Variants in GABRG3 observed in about 807,000 individuals in gnomAD.
GABRG3 encodes gamma-aminobutyric acid type A receptor subunit gamma3, also known as gamma-aminobutyric acid receptor subunit gamma-3.
Under a neutral mutation model 48.8 loss-of-function variants are expected in GABRG3, and 25 were observed. The observed-to-expected ratio is 0.51, with a 90% CI of 0.37 to 0.72. GABRG3 has a LOEUF of 0.72. Ranked by LOEUF, GABRG3 falls within the 30% of genes least tolerant of loss-of-function variation. The pLI is 0.00. For synonymous variants in GABRG3, 227 were observed against 217.6 expected (o/e 1.04, Z -0.38); for missense variants, 394 against 577.9 (o/e 0.68, Z 3.26).
chr15:27,250,034 G>A (rs1315347829), intron 3 of GABRG3, among the ~76,000 whole-genome samples: 3 of 152,110 alleles, frequency 2.0e-5, no homozygotes, highest in Admixed American at 1.3e-4. Context: ...TCAGCATTGC[G>A]TCTGTGTGTC....
At chr15:27,527,711 C>A in intron 8 of GABRG3, 82 bp downstream of exon 8, 1 of 1,301,636 alleles carries the variant, frequency 7.7e-7, no homozygotes, top group Non-Finnish European at 1.1e-6. Context: ...CAGTTGTATT[C>A]CTAAGGATCG....
chr15:27,365,023 T>G (rs142177932), intron 5 of GABRG3: 263 of 152,256 alleles, frequency 1.7e-3, no homozygotes, highest in African/African-American at 5.9e-3. Flanking sequence ...GTGAGAGAAC[T>G]TGGGAGTTCC....
intron 5 of GABRG3, among the ~76,000 whole-genome samples, chr15:27,334,857 G>A (rs1209592914): frequency 6.6e-6 from 1 of 152,124 alleles, no homozygotes; most frequent in Non-Finnish European, 1.5e-5. Flanking sequence ...GACACTGAAA[G>A]CATGATCCCT....
At chr15:27,512,440 G>A (rs913277149) in intron 6 of GABRG3, among the ~76,000 whole-genome samples, 3 of 152,132 alleles carry the variant, frequency 2.0e-5, no homozygotes, top group Non-Finnish European at 4.4e-5. Context: ...CACTGCAGGT[G>A]GAGCTGCTTG....
intron 3 of GABRG3, among the ~76,000 whole-genome samples, chr15:27,141,141 G>C (rs1298989067): frequency 6.6e-6 from 1 of 152,204 alleles, no homozygotes; most frequent in Non-Finnish European, 1.5e-5. Context: ...CTTTGTGATT[G>C]TGGGAGAATA....
In GABRG3 at chr15:27,178,624, C is replaced by T. The variant is rs372722502; in HGVS notation, c.271-148185C>T. Among the ~76,000 whole-genome samples the T allele has an allele frequency of 1.1e-3, 163 of 152,146 alleles. 1 individual carries two copies. Among genetic ancestry groups the T allele is most frequent in the African/African-American group, 3.8e-3 (158 of 41,496 alleles). ...CCTTCAGACTGAAGACCCAGAGACA[C>T]GGGGGAGATTGTCTGTTTTTATAAT... On this transcript the variant is annotated intron_variant, in intron 3 of 9. Coordinates refer to ENST00000615808, the MANE Select transcript of GABRG3 (RefSeq NM_033223.5).
chr15:27,223,639 A>G (rs558735567), intron 3 of GABRG3, among the ~76,000 whole-genome samples: 1 of 152,300 alleles, frequency 6.6e-6, no homozygotes, highest in Admixed American at 6.5e-5. Flanking sequence ...GGTTTGCAAA[A>G]ATGTTTAAAA....
intron 3 of GABRG3, among the ~76,000 whole-genome samples, chr15:27,258,473 G>T (rs933696650): frequency 1.3e-5 from 2 of 152,016 alleles, no homozygotes; most frequent in Non-Finnish European, 2.9e-5. Flanking sequence ...CTGCATAGCT[G>T]AGTGTGAGCC....
In GABRG3 at chr15:27,523,608, C is replaced by T. The variant is rs970970259; in HGVS notation, c.865+3484C>T. ...TCAGTCATAAATGTGCTTCAATGAGCGAATGCACACATGCTTCAACTAAAT... is the reference window on the plus strand; with the variant it reads ...TCAGTCATAAATGTGCTTCAATGAGTGAATGCACACATGCTTCAACTAAAT... On this transcript the variant is annotated intron_variant, in intron 7 of 9. Transcript: ENST00000615808. Among the ~76,000 whole-genome samples, 24 of 151,766 alleles carry T rather than the reference C, an allele frequency of 1.6e-4. No homozygotes were observed. The East Asian group carries it at 1.7e-3, about 11-fold the overall frequency.
intron 3 of GABRG3, among the ~76,000 whole-genome samples, chr15:27,151,460 C>T (rs1325684962): frequency 6.6e-6 from 1 of 151,546 alleles, no homozygotes; most frequent in Non-Finnish European, 1.5e-5. Flanking sequence ...CCGTAGTATG[C>T]TGGGCAGAAT....
At chr15:27,510,238 A>G (rs985997179) in intron 6 of GABRG3, among the ~76,000 whole-genome samples, 3 of 152,146 alleles carry the variant, frequency 2.0e-5, no homozygotes, top group African/African-American at 7.2e-5. Flanking sequence ...TGTTTGGAGT[A>G]AGGCTCAGTC....
intron 3 of GABRG3, among the ~76,000 whole-genome samples, chr15:27,200,097 G>T (rs1057128071): frequency 4.0e-5 from 6 of 151,094 alleles, no homozygotes; most frequent in African/African-American, 1.5e-4. Flanking sequence ...CTTTGCCTCT[G>T]CCTCTTCCAA....
intron 6 of GABRG3, among the ~76,000 whole-genome samples, chr15:27,487,577 A>G (rs370581892): frequency 4.6e-5 from 7 of 152,214 alleles, no homozygotes; most frequent in African/African-American, 1.4e-4. Flanking sequence ...GACTTCCTGT[A>G]TCTGACTCCC....
At chr15:27,122,219 A>G (rs1379037483) in intron 3 of GABRG3, among the ~76,000 whole-genome samples, 1 of 152,220 alleles carries the variant, frequency 6.6e-6, no homozygotes, top group Non-Finnish European at 1.5e-5. Context: ...TGTACCCCAT[A>G]AATATATACA....
chr15:27,150,604 T>A (rs1241207429), intron 3 of GABRG3, among the ~76,000 whole-genome samples: 1 of 152,216 alleles, frequency 6.6e-6, no homozygotes, highest in Non-Finnish European at 1.5e-5. Flanking sequence ...TTGATCCCAA[T>A]GAAAATACAA....
chr15:27,065,015 T>C (rs1896713506), intron 3 of GABRG3, among the ~76,000 whole-genome samples: 1 of 152,180 alleles, frequency 6.6e-6, no homozygotes, highest in Admixed American at 6.5e-5. Flanking sequence ...GAGGCTGACA[T>C]CATCATTTTT....
intron 5 of GABRG3, among the ~76,000 whole-genome samples, chr15:27,353,327 ACACTTG>A (rs1894695788): frequency 6.6e-6 from 1 of 152,142 alleles, no homozygotes; most frequent in South Asian, 2.1e-4. Flanking sequence ...TGTGTGTCCT[ACACTTG>A]CTGGGCATGC....
At chr15:27,191,864 C>T (rs977421230) in intron 3 of GABRG3, among the ~76,000 whole-genome samples, 3 of 151,760 alleles carry the variant, frequency 2.0e-5, no homozygotes, top group East Asian at 1.9e-4. Context: ...TGGCTGGTAC[C>T]GGTTTTTCCT....
rs1890077269 is a variant in GABRG3 at position 27,480,661 on chromosome 15, A to G, written c.586A>G (p.Lys196Glu). The G allele has an allele frequency of 2.5e-6, 4 of 1,610,288 alleles. No homozygotes were observed. In the South Asian group the frequency reaches 3.3e-5, roughly 13 times the overall value. ...CTCTGTGTTTTTAGATGGCTATCCCAAAGAAGAAATGATTTATAGATGGAG... is the reference window on the plus strand; with the variant it reads ...CTCTGTGTTTTTAGATGGCTATCCCGAAGAAGAAATGATTTATAGATGGAG... ...PLIFSSYGYPKEEMIYRWRKN... is the reference protein window; with the variant it reads ...PLIFSSYGYPEEEMIYRWRKN... Residue 196 changes from lysine to glutamate, a missense_variant, in exon 6 of 10, where the codon AAA becomes GAA. By Grantham distance (56) the Lys-to-Glu change is moderately conservative. Coordinates refer to ENST00000615808, the MANE Select transcript of GABRG3 (RefSeq NM_033223.5).
Sources: allele counts gnomAD v4.1 joint callset (sites outside exome capture counted in the v4.1 genomes callset), GRCh38; gene constraint gnomAD v4.1.1; transcripts MANE v1.5; gene names NCBI Gene and HGNC (gene_info 2026-07-23, HGNC 2026-07-21).